The following TLL1 variants were observed in gnomAD, a reference collection of about 807,000 sequenced individuals.
The protein encoded by TLL1 is tolloid like 1, also known as tolloid-like protein 1.
Under a neutral mutation model 128.2 loss-of-function variants are expected in TLL1, and 49 were observed. The observed-to-expected ratio is 0.38, with a 90% CI of 0.30 to 0.48. TLL1 has a LOEUF of 0.48. TLL1 is among the 20% of genes least tolerant of loss of function. The pLI is 0.96. For missense variants in TLL1, 1,123 were observed against 1,242.0 expected, an observed-to-expected ratio of 0.90 and a Z score of 1.44; for synonymous variants, 454 against 418.8, an observed-to-expected ratio of 1.08 and a Z score of -1.03.
intron 1 of TLL1, among the ~76,000 whole-genome samples, chr4:165,879,115 A>G (rs1730862810): frequency 6.6e-6 from 1 of 151,310 alleles, no homozygotes; most frequent in African/African-American, 2.4e-5. Context: ...TTTTAATTTA[A>G]TTTAATTTTT....
chr4:166,059,756 A>T (rs1402696288), intron 14 of TLL1, among the ~76,000 whole-genome samples: 1 of 152,034 alleles, frequency 6.6e-6, no homozygotes, highest in Non-Finnish European at 1.5e-5. Context: ...AATTTTTTTT[A>T]AATTGCTCCC....
At chr4:166,096,309 A>ATAGTGTGT (rs1459129257) in intron 19 of TLL1, among the ~76,000 whole-genome samples, 20 of 151,880 alleles carry the variant, frequency 1.3e-4, no homozygotes, top group African/African-American at 4.8e-4. Context: ...GAGGGTGTGC[A>ATAGTGTGT]CTGCAACAGA....
At chr4:165,910,373 T>A (rs1408528158) in intron 1 of TLL1, among the ~76,000 whole-genome samples, 1 of 152,234 alleles carries the variant, frequency 6.6e-6, no homozygotes, top group Non-Finnish European at 1.5e-5. Flanking sequence ...TACATTTTTT[T>A]AGTTTCATCA....
At chr4:166,067,493 C>G (rs1449690177) in intron 16 of TLL1, among the ~76,000 whole-genome samples, 7 of 151,638 alleles carry the variant, frequency 4.6e-5, no homozygotes, top group African/African-American at 1.7e-4. Flanking sequence ...ACCACATGAG[C>G]ATATATGGTC....
At chr4:165,931,498 C>T (rs946740703) in intron 1 of TLL1, among the ~76,000 whole-genome samples, 2 of 151,170 alleles carry the variant, frequency 1.3e-5, no homozygotes, top group African/African-American at 2.5e-5. Context: ...GCGGGCGGAT[C>T]ACGAGGTCAG....
chr4:166,060,287 A>G, intron 15 of TLL1, 99 bp downstream of exon 15: 1 of 1,304,608 alleles, frequency 7.7e-7, no homozygotes, highest in Non-Finnish European at 1.1e-6. Context: ...AAAATAGTAT[A>G]GACATTGTAT....
rs138398825 is a variant in TLL1, at chr4:166,098,673, C to T, written c.2657-604C>T. 7.7e-3 allele frequency among the ~76,000 whole-genome samples: 1,178 copies of T among 152,080 alleles called. 16 individuals are homozygous for T. Among genetic ancestry groups the T allele is most frequent in the African/African-American group, 0.026 (1,096 of 41,506 alleles). ...TCCCCATCAAGTGAGATAAATATTT[C>T]TATCGAAGTAAAATACTACTATTGT... On this transcript the variant is annotated intron_variant, in intron 19 of 20. Transcript: ENST00000061240.
At chr4:165,907,961 G>T (rs1169382743) in intron 1 of TLL1, among the ~76,000 whole-genome samples, 2 of 152,154 alleles carry the variant, frequency 1.3e-5, no homozygotes, top group African/African-American at 4.8e-5. Flanking sequence ...ACTGCTATAG[G>T]CCTGTAAAGG....
chr4:166,044,390 T>A, intron 12 of TLL1: 2 of 1,535,520 alleles, frequency 1.3e-6, no homozygotes, highest in Non-Finnish European at 1.7e-6. Context: ...AATCCAGGGA[T>A]TGCCAGTAAA....
chr4:165,908,838 G>A (rs1443328274), intron 1 of TLL1, among the ~76,000 whole-genome samples: 1 of 152,108 alleles, frequency 6.6e-6, no homozygotes, highest in African/African-American at 2.4e-5. Context: ...ATGGAGGGAA[G>A]TATATGGATT....
chr4:166,065,335 A>G (rs928262276), intron 15 of TLL1, among the ~76,000 whole-genome samples: 1 of 152,044 alleles, frequency 6.6e-6, no homozygotes, highest in African/African-American at 2.4e-5. Context: ...TGCTGTTCTC[A>G]TTAGAATGTG....
chr4:165,988,049 A>G (rs1736465890), intron 1 of TLL1, among the ~76,000 whole-genome samples: 2 of 152,072 alleles, frequency 1.3e-5, no homozygotes, highest in African/African-American at 4.8e-5. Context: ...GGTATTTTTC[A>G]GTGTTCTACT....
chr4:166,104,420 A>T lies in TLL1; in HGVS notation c.*3544A>T, dbSNP rs188408115. The stretch of plus-strand genomic sequence containing the variant: ...TACCACTTGTTAAATCAGGCATGGG[A>T]GGAGGAGAGCAGAAAATATAATTGC... On this transcript the variant is annotated 3_prime_UTR_variant, in exon 21 of 21. Coordinates refer to ENST00000061240, the MANE Select transcript of TLL1 (RefSeq NM_012464.5). Among the ~76,000 whole-genome samples, 1 of 151,992 alleles carries T rather than the reference A, an allele frequency of 6.6e-6. No homozygotes were observed.
rs150644777 is a variant in TLL1, at chr4:166,057,215, A to T, written c.1752A>T (p.Gly584=). The change falls in exon 14 of 21, where the codon GGA becomes GGT. Residue 584 remains glycine (G), a synonymous_variant. Transcript: ENST00000061240. Reference sequence around the variant, plus strand: ...ATGAGTGTGCCAAACCTGACCGTGGAGGCTGTGAGCAGCGATGTCTGAACA... The same window carrying T: ...ATGAGTGTGCCAAACCTGACCGTGGTGGCTGTGAGCAGCGATGTCTGAACA... ...EEDECAKPDR[G]GCEQRCLNTL... 146 of 1,613,762 alleles carry T rather than the reference A, an allele frequency of 9.0e-5. No homozygotes were observed. Among genetic ancestry groups the T allele is most frequent in the Non-Finnish European group, 1.2e-4 (141 of 1,179,928 alleles).
In TLL1 at chr4:166,059,545, G is replaced by C. The variant is rs928505339; in HGVS notation, c.1847-483G>C. On this transcript the variant is annotated intron_variant, in intron 14 of 20. Transcript: ENST00000061240. ...TTGAGTTACTTGTCTTGGAAAAAAA[G>C]TTTGAGGAAATGAACAATTGATTTG... Among the ~76,000 whole-genome samples, 3 of 152,024 alleles carry C rather than the reference G, an allele frequency of 2.0e-5. No individual in the cohort carries two copies. The East Asian group carries it at 5.8e-4, about 29-fold the overall frequency.
chr4:165,887,523 TAA>T (rs1731216156), intron 1 of TLL1, among the ~76,000 whole-genome samples: 2 of 152,320 alleles, frequency 1.3e-5, no homozygotes, highest in African/African-American at 2.4e-5. Flanking sequence ...TATTAAACAA[TAA>T]AAAGCTAAGT....
At position 166,042,142 on chromosome 4, in the gene TLL1, A is replaced by G; in HGVS notation, c.1377A>G (p.Glu459=). ...WVGKGFAAVY[E]AICGGEIRKN... is the part of the protein sequence containing the mutation. ...GAAAAGGCTTTGCAGCTGTCTATGA[A>G]GGTAAGTCACATTGAATTTTAGAGA... The change falls in exon 11 of 21, where the codon GAA becomes GAG. Residue 459 remains glutamate, a splice_region_variant and synonymous_variant. Transcript: ENST00000061240. 1 of 1,599,378 alleles carries G rather than the reference A, an allele frequency of 6.3e-7. No individual in the cohort carries two copies.
chr4:165,977,017 G>A (rs911346407), intron 1 of TLL1, among the ~76,000 whole-genome samples: 4 of 152,126 alleles, frequency 2.6e-5, no homozygotes, highest in Non-Finnish European at 4.4e-5. Flanking sequence ...CAAAAGATTG[G>A]ATACCCCTGA....
intron 9 of TLL1, among the ~76,000 whole-genome samples, chr4:166,038,800 G>A (rs921813935): frequency 1.2e-4 from 18 of 152,102 alleles, no homozygotes; most frequent in Admixed American, 7.2e-4. Context: ...TCATTAGATG[G>A]ACAAATTCTA....
Sources: allele counts gnomAD v4.1 joint callset (sites outside exome capture counted in the v4.1 genomes callset), GRCh38; gene constraint gnomAD v4.1.1; transcripts MANE v1.5; gene names NCBI Gene and HGNC (gene_info 2026-07-23, HGNC 2026-07-21).